The following MYOF variants were observed in gnomAD, a reference collection of about 807,000 sequenced individuals.
MYOF encodes myoferlin.
In MYOF, 244 loss-of-function variants were observed where a neutral mutation model predicts 284.2. That is an observed-to-expected ratio of 0.86 (90% CI 0.77 to 0.95). The LOEUF (loss-of-function observed/expected upper bound fraction) is 0.95. Among genes scored for constraint, MYOF ranks in the 40% least tolerant of loss-of-function variants. The pLI is 0.00. For synonymous variants in MYOF, 904 were observed against 919.7 expected (o/e 0.98, Z 0.31); for missense variants, 2,496 against 2,560.6 (o/e 0.97, Z 0.54).
intron 45 of MYOF, among the ~76,000 whole-genome samples, chr10:93,327,684 T>C (rs936750539): frequency 6.6e-6 from 1 of 151,988 alleles, no homozygotes; most frequent in Admixed American, 6.5e-5. Context: ...AGAAGCAGCA[T>C]CAACATTTCT....
At chr10:93,456,751 G>A in intron 2 of MYOF, 131 bp downstream of exon 2, 2 of 670,664 alleles carry the variant, frequency 3.0e-6, no homozygotes, top group East Asian at 2.6e-5. Flanking sequence ...GAACACAAAG[G>A]GAAACGGAGT....
chr10:93,378,693 G>GTGTGTGTGTGTGTATATATA, intron 21 of MYOF, among the ~76,000 whole-genome samples: 2 of 87,890 alleles, frequency 2.3e-5, no homozygotes, highest in African/African-American at 9.6e-5. Flanking sequence ...GTGTGTGTGT[G>GTGTGTGTGTGTGTATATATA]TATATATATA....
intron 46 of MYOF, 106 bp from the exon 47 acceptor site, chr10:93,323,464 C>T (rs1295882749): frequency 1.0e-6 from 1 of 965,816 alleles, no homozygotes; most frequent in Admixed American, 2.8e-5. Flanking sequence ...TCTTTGGTCT[C>T]TCTAATTTAT....
chr10:93,465,533 C>CTTCTCTTT (rs1554873001), intron 1 of MYOF, among the ~76,000 whole-genome samples: 21 of 53,232 alleles, frequency 3.9e-4, no homozygotes, highest in Middle Eastern at 0.011. Context: ...TCTTTTTTTT[C>CTTCTCTTT]TTTTCTTTTT....
chr10:93,324,325 A>G (rs1842954886), intron 46 of MYOF: 1 of 152,228 alleles, frequency 6.6e-6, no homozygotes, highest in Non-Finnish European at 1.5e-5. Context: ...TTGTGATCAA[A>G]ATACATTAAG....
rs754214058 is a variant in MYOF at position 93,349,835 on chromosome 10, A to G, written c.4056T>C (p.Phe1352=). ...VIKNLKKTPN[F]PSSVLFMKVF... Reference sequence around the variant, plus strand: ...CTTTCATGAAGAGAACAGAACTTGGAAAGTTGGGTGTCTTCTTAAGGTTTT... The same window carrying G: ...CTTTCATGAAGAGAACAGAACTTGGGAAGTTGGGTGTCTTCTTAAGGTTTT... The change falls in exon 36 of 54, where the codon TTT becomes TTC. Residue 1352 remains phenylalanine (F), a synonymous_variant. Coordinates refer to ENST00000359263, the MANE Select transcript of MYOF (RefSeq NM_013451.4). 1 of 1,613,922 alleles carries G rather than the reference A, an allele frequency of 6.2e-7. No individual in the cohort carries two copies. The highest frequency in any genetic ancestry group is 8.5e-7 in the Non-Finnish European group (1 of 1,180,004).
At chr10:93,382,256 TG>T (rs1173551882) in intron 19 of MYOF, among the ~76,000 whole-genome samples, 1 of 152,028 alleles carries the variant, frequency 6.6e-6, no homozygotes, top group Admixed American at 6.6e-5. Context: ...TCTTTTTTTT[TG>T]AGACAGGGTC....
rs748460911 is a variant in MYOF, at chr10:93,335,911, T to A, written c.4563+10A>T. 74 of 1,613,176 alleles carry A rather than the reference T, an allele frequency of 4.6e-5. No homozygotes were observed. In the Admixed American group the frequency reaches 6.0e-4, roughly 13 times the overall value. On this transcript the variant is annotated intron_variant, in intron 41 of 53. Transcript: ENST00000359263. ...GGATTTTAAACGGGACCAACACACA[T>A]CTTACTCACCTTAAACTCTCCAACC...
At chr10:93,441,997 A>AAC (rs34488205) in intron 3 of MYOF, among the ~76,000 whole-genome samples, 13,878 of 132,872 alleles carry the variant, frequency 0.1, 793 homozygotes, top group Non-Finnish European at 0.12. Context: ...CCTCAACCTG[A>AAC]ACACACACAC....
chr10:93,309,435 A>T (rs965743930), intron 53 of MYOF, among the ~76,000 whole-genome samples: 13 of 152,214 alleles, frequency 8.5e-5, no homozygotes, highest in African/African-American at 3.1e-4. Context: ...TGGGGTGATT[A>T]GGGGAACATT....
intron 5 of MYOF, among the ~76,000 whole-genome samples, chr10:93,422,386 A>G (rs954635769): frequency 7.9e-5 from 12 of 152,072 alleles, no homozygotes; most frequent in African/African-American, 2.9e-4. Flanking sequence ...GGGATGGTGG[A>G]CTCCTTCAGT....
intron 25 of MYOF, among the ~76,000 whole-genome samples, chr10:93,369,093 TAGAAGTATTCAGACAGC>T: frequency 6.7e-6 from 1 of 149,852 alleles, no homozygotes; most frequent in African/African-American, 2.5e-5. Flanking sequence ...TCTATTGTTT[TAGAAGTATTCAGACAGC>T]TTTTTTTTTT....
intron 3 of MYOF, among the ~76,000 whole-genome samples, chr10:93,435,900 T>TC (rs1426759803): frequency 4.7e-5 from 6 of 126,676 alleles, no homozygotes; most frequent in Non-Finnish European, 1.1e-4. Context: ...CAAGACCTTG[T>TC]CTCAAAAATA....
At chr10:93,406,859 A>G (rs1469643338) in intron 7 of MYOF, among the ~76,000 whole-genome samples, 2 of 151,586 alleles carry the variant, frequency 1.3e-5, no homozygotes, top group South Asian at 2.1e-4. Context: ...AAAAAAAAGG[A>G]CAAACGCCAG....
At chr10:93,411,023 GGA>G in intron 5 of MYOF, among the ~76,000 whole-genome samples, 1 of 152,204 alleles carries the variant, frequency 6.6e-6, no homozygotes, top group Non-Finnish European at 1.5e-5. Context: ...TGTAAAGAGG[GGA>G]AAATAATAGT....
At chr10:93,387,721 G>T in intron 19 of MYOF, 76 bp downstream of exon 19, 2 of 1,264,654 alleles carry the variant, frequency 1.6e-6, no homozygotes, top group Non-Finnish European at 1.2e-6. Context: ...GTTGCCTTCC[G>T]ACTCCCCCAG....
At chr10:93,415,545 T>C (rs1311234444) in intron 5 of MYOF, among the ~76,000 whole-genome samples, 1 of 152,262 alleles carries the variant, frequency 6.6e-6, no homozygotes, top group Non-Finnish European at 1.5e-5. Context: ...ACACCCTTTC[T>C]ATCTTTCTCA....
At chr10:93,470,186 G>A (rs534673163) in intron 1 of MYOF, among the ~76,000 whole-genome samples, 1 of 148,382 alleles carries the variant, frequency 6.7e-6, no homozygotes, top group South Asian at 2.1e-4. Context: ...CTGAGATCAC[G>A]TGACTATACT....
At chr10:93,382,803 T>G (rs1846185420) in intron 19 of MYOF, among the ~76,000 whole-genome samples, 2 of 152,250 alleles carry the variant, frequency 1.3e-5, no homozygotes, top group Non-Finnish European at 2.9e-5. Flanking sequence ...CATTCTGCCA[T>G]GCAATACGAT....
Sources: allele counts gnomAD v4.1 joint callset (sites outside exome capture counted in the v4.1 genomes callset), GRCh38; gene constraint gnomAD v4.1.1; transcripts MANE v1.5; gene names NCBI Gene and HGNC (gene_info 2026-07-23, HGNC 2026-07-21).